Variants in NKAIN3 observed in about 807,000 individuals in gnomAD.
The protein encoded by NKAIN3 is sodium/potassium-transporting ATPase subunit beta-1-interacting protein 3.
Under a neutral mutation model 30.2 loss-of-function variants are expected in NKAIN3, and 25 were observed. The observed-to-expected ratio is 0.83, with a 90% confidence interval of 0.60 to 1.16. The LOEUF (loss-of-function observed/expected upper bound fraction) is 1.16, where lower values mean the gene tolerates loss of function less well. Among genes scored for constraint, NKAIN3 ranks in the 50% most tolerant of loss-of-function variants. The probability of loss-of-function intolerance (pLI) is 0.00; values close to 1 mark genes in which losing one functional copy is unlikely to be tolerated. For missense variants in NKAIN3, 225 were observed against 254.1 expected (o/e 0.89, Z 0.78); for synonymous variants, 91 against 89.6 (o/e 1.02, Z -0.09).
At chr8:62,292,952 C>T (rs1006788519) in intron 1 of NKAIN3, among the ~76,000 whole-genome samples, 2 of 151,712 alleles carry the variant, frequency 1.3e-5, no homozygotes, top group East Asian at 1.9e-4. Context: ...TTTTTTTAAA[C>T]TTGTCTTCTC....
intron 1 of NKAIN3, among the ~76,000 whole-genome samples, chr8:62,296,682 G>T (rs1481233051): frequency 6.6e-6 from 1 of 152,132 alleles, no homozygotes; most frequent in Non-Finnish European, 1.5e-5. Context: ...AAATTTAGCA[G>T]ATCTGTATTG....
At chr8:62,415,618 G>T (rs1007830997) in intron 1 of NKAIN3, among the ~76,000 whole-genome samples, 3 of 151,146 alleles carry the variant, frequency 2.0e-5, no homozygotes, top group East Asian at 3.9e-4. Flanking sequence ...GTTCAGTTTT[G>T]CATTAAAGCA....
At chr8:62,857,354 T>TG (rs1402211387) in intron 4 of NKAIN3, among the ~76,000 whole-genome samples, 2 of 152,194 alleles carry the variant, frequency 1.3e-5, no homozygotes, top group African/African-American at 4.8e-5. Flanking sequence ...AGTATCTTAC[T>TG]GGAGTTCTCT....
intron 3 of NKAIN3, among the ~76,000 whole-genome samples, chr8:62,605,395 G>T (rs62509500): frequency 2.7e-3 from 415 of 151,894 alleles, no homozygotes; most frequent in Non-Finnish European, 5.1e-3. Flanking sequence ...TTGTCTGAGG[G>T]TCTGAAATAT....
chr8:62,350,153 A>T (rs1224775169), intron 1 of NKAIN3, among the ~76,000 whole-genome samples: 2 of 152,214 alleles, frequency 1.3e-5, no homozygotes, highest in East Asian at 3.9e-4. Flanking sequence ...ACTCAAACAG[A>T]TATTTTCACA....
chr8:62,357,583 T>C (rs1277431220), intron 1 of NKAIN3, among the ~76,000 whole-genome samples: 1 of 152,192 alleles, frequency 6.6e-6, no homozygotes, highest in Non-Finnish European at 1.5e-5. Context: ...ATGAAATTTT[T>C]TTTGTTTGGC....
At chr8:62,721,123 G>A (rs189647860) in intron 3 of NKAIN3, among the ~76,000 whole-genome samples, 1 of 152,088 alleles carries the variant, frequency 6.6e-6, no homozygotes, top group East Asian at 1.9e-4. Flanking sequence ...AGCCCCATCT[G>A]TCCAGGAGTA....
chr8:62,695,789 C>A (rs1342779132), intron 3 of NKAIN3, among the ~76,000 whole-genome samples: 2 of 152,102 alleles, frequency 1.3e-5, no homozygotes, highest in African/African-American at 4.8e-5. Flanking sequence ...TCAGAATTGT[C>A]GACTGCGTGA....
At chr8:62,304,057 C>T (rs939730270) in intron 1 of NKAIN3, among the ~76,000 whole-genome samples, 4 of 150,332 alleles carry the variant, frequency 2.7e-5, no homozygotes, top group Admixed American at 1.3e-4. Flanking sequence ...CAGGGGTAAA[C>T]CTGTTTTTAT....
downstream of NKAIN3, among the ~76,000 whole-genome samples, chr8:62,987,502 A>C (rs572535913): frequency 3.9e-5 from 6 of 152,304 alleles, no homozygotes; most frequent in Non-Finnish European, 8.8e-5. Context: ...TCATGACAGA[A>C]GGCAAAGGAG....
chr8:62,496,628 A>G (rs931007578), intron 1 of NKAIN3, among the ~76,000 whole-genome samples: 2 of 152,128 alleles, frequency 1.3e-5, no homozygotes, highest in African/African-American at 4.8e-5. Flanking sequence ...TTATTCATGC[A>G]TGCATTTATT....
At chr8:62,467,504 A>C (rs1224599985) in intron 1 of NKAIN3, among the ~76,000 whole-genome samples, 2 of 152,168 alleles carry the variant, frequency 1.3e-5, no homozygotes, top group Non-Finnish European at 2.9e-5. Flanking sequence ...GCTCTGTCAT[A>C]AATGTATCTG....
At chr8:62,395,294 GC>G (rs1474448820) in intron 1 of NKAIN3, among the ~76,000 whole-genome samples, 3 of 151,878 alleles carry the variant, frequency 2.0e-5, no homozygotes, top group South Asian at 4.2e-4. Flanking sequence ...CCGGGCGGAG[GC>G]CCCCCTCACT....
intron 4 of NKAIN3, among the ~76,000 whole-genome samples, chr8:62,900,162 C>T (rs1325000837): frequency 3.9e-5 from 6 of 152,050 alleles, no homozygotes; most frequent in East Asian, 1.9e-4. Context: ...TAAGGCCAAA[C>T]GTAAAGTCTA....
intron 1 of NKAIN3, among the ~76,000 whole-genome samples, chr8:62,491,246 G>C (rs925625189): frequency 1.3e-5 from 2 of 152,058 alleles, no homozygotes; most frequent in African/African-American, 4.8e-5. Context: ...ACAATGTGTG[G>C]TTTTCTCTAC....
intron 1 of NKAIN3, among the ~76,000 whole-genome samples, chr8:62,249,929 T>C (rs1026602124): frequency 5.3e-5 from 8 of 152,236 alleles, no homozygotes; most frequent in African/African-American, 1.9e-4. Context: ...GGACTGGCTC[T>C]GTGGTCTATT....
chr8:62,855,421 C>A (rs746272187), intron 4 of NKAIN3: 31 of 1,022,432 alleles, frequency 3.0e-5, no homozygotes, highest in Non-Finnish European at 4.3e-5. Flanking sequence ...TATTGGCCTT[C>A]AGCTCCTCTT....
intron 1 of NKAIN3, among the ~76,000 whole-genome samples, chr8:62,500,290 AT>A (rs1807384508): frequency 6.6e-6 from 1 of 152,058 alleles, no homozygotes; most frequent in Admixed American, 6.6e-5. Flanking sequence ...TTTCTTCAAG[AT>A]TTCTTTTGGC....
chr8:62,628,046 C>T (rs139740476), intron 3 of NKAIN3, among the ~76,000 whole-genome samples: 7 of 152,152 alleles, frequency 4.6e-5, no homozygotes, highest in Non-Finnish European at 7.4e-5. Context: ...ATCTTGCCAT[C>T]GGAAGCACTA....
Sources: gnomAD v4.1 joint callset for allele counts (sites outside exome capture counted in the v4.1 genomes callset) on GRCh38, gnomAD v4.1.1 for gene constraint, MANE v1.5 for transcripts, NCBI Gene and HGNC (gene_info 2026-07-23, HGNC 2026-07-21) for gene names.